The following GRAMD2B variants were observed in gnomAD, a reference collection of about 807,000 sequenced individuals.
GRAMD2B encodes GRAM domain containing 2B, also known as GRAM domain-containing protein 2B.
A neutral mutation model predicts 59.2 loss-of-function variants in GRAMD2B; 41 were observed. The observed-to-expected ratio is 0.69, with a 90% CI of 0.54 to 0.90. The LOEUF (loss-of-function observed/expected upper bound fraction) is 0.90, where lower values mean the gene tolerates loss of function less well. Ranked by LOEUF, GRAMD2B falls within the 40% of genes least tolerant of loss-of-function variation. GRAMD2B has a pLI of 0.00. For synonymous variants in GRAMD2B, 161 were observed against 182.7 expected (o/e 0.88, Z 0.96); for missense variants, 424 against 500.5 (o/e 0.85, Z 1.46).
At chr5:126,400,331 A>G (rs1269256905) in intron 1 of GRAMD2B, among the ~76,000 whole-genome samples, 5 of 152,136 alleles carry the variant, frequency 3.3e-5, no homozygotes, top group African/African-American at 1.2e-4. Flanking sequence ...ATTTCATACA[A>G]AAACTCTACA....
At chr5:126,454,236 T>C (rs956431082) in intron 1 of GRAMD2B, among the ~76,000 whole-genome samples, 8 of 152,160 alleles carry the variant, frequency 5.3e-5, no homozygotes, top group Non-Finnish European at 1.2e-4. Flanking sequence ...TGGTGCTCAA[T>C]AGAAAGGCAT....
chr5:126,440,733 A>C (rs72784512), intron 1 of GRAMD2B, among the ~76,000 whole-genome samples: 4,373 of 152,300 alleles, frequency 0.029, 89 homozygotes, highest in Admixed American at 0.065. Flanking sequence ...AAGATGGATA[A>C]ATTTAACCAA....
intron 1 of GRAMD2B, among the ~76,000 whole-genome samples, chr5:126,415,864 C>A (rs1463709912): frequency 6.6e-6 from 1 of 151,858 alleles, no homozygotes; most frequent in Non-Finnish European, 1.5e-5. Flanking sequence ...TCAGAATAAG[C>A]AATAAAAAGT....
In GRAMD2B at chr5:126,371,362, G is replaced by A. The variant is rs1039359106; in HGVS notation, c.-81G>A. ...TTCAAGGACTGTACAAAGCTGAAAC[G>A]CAGAGATTTTCATATTATTTGGGAG... On this transcript the variant is annotated 5_prime_UTR_variant, in exon 1 of 9. Coordinates refer to the GRAMD2B transcript ENST00000506445. The A allele has an allele frequency of 1.8e-5, 22 of 1,211,454 alleles. 1 individual carries two copies. Among genetic ancestry groups the A allele is most frequent in the South Asian group, 1.2e-4 (8 of 68,012 alleles). 75.0% of individuals were successfully genotyped at this position (1,211,454 alleles called of 1,614,324 possible).
At chr5:126,461,616 A>G (rs902740472) in intron 1 of GRAMD2B, among the ~76,000 whole-genome samples, 4 of 152,158 alleles carry the variant, frequency 2.6e-5, no homozygotes, top group African/African-American at 4.8e-5. Context: ...CCTGGCCAAC[A>G]CAGCGAAACC....
At chr5:126,470,080 C>T (rs1439881154) in intron 3 of GRAMD2B, among the ~76,000 whole-genome samples, 1 of 152,106 alleles carries the variant, frequency 6.6e-6, no homozygotes, top group Non-Finnish European at 1.5e-5. Context: ...TGTGCTTATC[C>T]AATAATTGGC....
chr5:126,382,647 T>C (rs1291413379), intron 1 of GRAMD2B, among the ~76,000 whole-genome samples: 2 of 152,232 alleles, frequency 1.3e-5, no homozygotes, highest in Admixed American at 1.3e-4. Flanking sequence ...CTCTGGAGGC[T>C]CCTTGATTTG....
chr5:126,418,758 T>G (rs1193888293), upstream of GRAMD2B, among the ~76,000 whole-genome samples: 1 of 152,242 alleles, frequency 6.6e-6, no homozygotes, highest in East Asian at 1.9e-4. Flanking sequence ...TTCTCAACTT[T>G]CATTCTTACA....
Position 126,391,496 on chromosome 5 carries a change from C to A in GRAMD2B, c.125+19929C>A, listed in dbSNP as rs544368385. 2.6e-4 allele frequency among the ~76,000 whole-genome samples: 39 copies of A among 151,680 alleles called. No individual in the cohort carries two copies. In the South Asian group the frequency reaches 5.0e-3, roughly 19 times the overall value. ...AACAATAACACTTGTACATGGATAT[C>A]CACAGCAGTATTATTTATAATAGCC... On this transcript the variant is annotated intron_variant, in intron 1 of 8. Transcript: ENST00000506445.
intron 1 of GRAMD2B, among the ~76,000 whole-genome samples, chr5:126,449,823 TGGGAGAGTCCTGTGTG>T: frequency 6.6e-6 from 1 of 152,332 alleles, no homozygotes; most frequent in African/African-American, 2.4e-5. Flanking sequence ...ACCTGGCCTC[TGGGAGAGTCCTGTGTG>T]TCACATCCTG....
At position 126,485,689 on chromosome 5, in the gene GRAMD2B, T is replaced by C; in HGVS notation, c.974T>C (p.Leu325Pro). The change falls in exon 11 of 14, where the codon CTG becomes CCG. Residue 325 changes from leucine to proline, a missense_variant. Coordinates refer to ENST00000285689, the MANE Select transcript of GRAMD2B (RefSeq NM_023927.4). ...TTTTTTGTTTTCCTCCCAACAGGTC[T>C]GTCAGAAACTGTTGGAATCTTACAT... ...GKAKSLPVQGLSETVGILHKV... is the reference protein window; with the variant it reads ...GKAKSLPVQGPSETVGILHKV... 6.2e-7 allele frequency: 1 copy of C among 1,606,726 alleles called. No individual in the cohort carries two copies. Among genetic ancestry groups the C allele is most frequent in the African/African-American group, 1.3e-5 (1 of 74,894 alleles).
intron 1 of GRAMD2B, among the ~76,000 whole-genome samples, chr5:126,377,937 CT>C (rs1755341541): frequency 6.6e-6 from 1 of 152,106 alleles, no homozygotes; most frequent in African/African-American, 2.4e-5. Flanking sequence ...AGATTCTATT[CT>C]TTTTATTGCC....
chr5:126,485,681 A>G lies in GRAMD2B; in HGVS notation c.971-5A>G. On this transcript the variant is annotated splice_region_variant and splice_polypyrimidine_tract_variant and intron_variant, in intron 10 of 13. Coordinates refer to ENST00000285689, the MANE Select transcript of GRAMD2B (RefSeq NM_023927.4). ...AACAGTTGTTTTTTGTTTTCCTCCCAACAGGTCTGTCAGAAACTGTTGGAA... is the reference window on the plus strand; with the variant it reads ...AACAGTTGTTTTTTGTTTTCCTCCCGACAGGTCTGTCAGAAACTGTTGGAA... The G allele has an allele frequency of 6.2e-7, 1 of 1,604,428 alleles. No homozygotes were observed. Among genetic ancestry groups the G allele is most frequent in the Non-Finnish European group, 8.5e-7 (1 of 1,172,690 alleles).
At chr5:126,421,087 G>A (rs1034464237), upstream of GRAMD2B, among the ~76,000 whole-genome samples, 10 of 152,154 alleles carry the variant, frequency 6.6e-5, no homozygotes, top group Non-Finnish European at 2.9e-5. Flanking sequence ...GGGAGGAGGT[G>A]AGAAAGAAAG....
chr5:126,451,187 A>G (rs200691006), intron 1 of GRAMD2B, among the ~76,000 whole-genome samples: 2 of 152,260 alleles, frequency 1.3e-5, no homozygotes, highest in East Asian at 3.8e-4. Context: ...CACTCCTTGC[A>G]CCAGTGAGCT....
chr5:126,451,719 A>G (rs1369551608), intron 1 of GRAMD2B, among the ~76,000 whole-genome samples: 1 of 151,974 alleles, frequency 6.6e-6, no homozygotes, highest in South Asian at 2.1e-4. Flanking sequence ...TATGGTTTGG[A>G]TATTTGTCCC....
chr5:126,488,759 T>C, intron 12 of GRAMD2B, 40 bp from the exon 13 acceptor site: 1 of 1,401,278 alleles, frequency 7.1e-7, no homozygotes, highest in Non-Finnish European at 1.0e-6. Context: ...TCTTTCCTTG[T>C]CATCCCTGCC....
intron 1 of GRAMD2B, among the ~76,000 whole-genome samples, chr5:126,362,052 C>T (rs927935978): frequency 6.6e-6 from 1 of 152,200 alleles, no homozygotes; most frequent in Non-Finnish European, 1.5e-5. Context: ...CAGTTTGTTA[C>T]CCAGTTGGGT....
At chr5:126,457,191 C>CAAAA (rs559904336) in intron 1 of GRAMD2B, among the ~76,000 whole-genome samples, 31 of 63,980 alleles carry the variant, frequency 4.8e-4, no homozygotes, top group African/African-American at 1.4e-3. Flanking sequence ...GACTCCGTCT[C>CAAAA]AAAAAAAAAA....
Sources: gnomAD v4.1 joint callset for allele counts (sites outside exome capture counted in the v4.1 genomes callset) on GRCh38, gnomAD v4.1.1 for gene constraint, MANE v1.5 for transcripts, NCBI Gene and HGNC (gene_info 2026-07-23, HGNC 2026-07-21) for gene names.